POR: variants seen among roughly 807,000 people sequenced by gnomAD.
The protein encoded by POR is NADPH--cytochrome P450 reductase.
In POR, 56 loss-of-function variants were observed where a neutral mutation model predicts 84.0. The ratio of observed to expected loss-of-function variants is 0.67; its 90% confidence interval spans 0.54 to 0.83. The LOEUF (loss-of-function observed/expected upper bound fraction) is 0.83. Among genes scored for constraint, POR ranks in the 40% least tolerant of loss-of-function variants. The pLI, the probability that POR is intolerant of heterozygous loss-of-function variation, is 0.00. For synonymous variants in POR, 414 were observed against 400.5 expected, an observed-to-expected ratio of 1.03 and a Z score of -0.40; for missense variants, 938 against 944.3, an observed-to-expected ratio of 0.99 and a Z score of 0.09.
rs2228104 is a variant in POR, at chr7:75,985,635, T to C, written c.1455T>C (p.Ala485=). The stretch of plus-strand genomic sequence containing the variant: ...TGGTTGTGGAGTACGAGACCAAGGC[T>C]GGCCGCATCAACAAGGGCGTGGCCA... Residue 485 remains alanine, a synonymous_variant, in exon 13 of 16, where the codon GCT becomes GCC. Coordinates refer to ENST00000461988, the MANE Select transcript of POR (RefSeq NM_000941.3). The C allele has an allele frequency of 0.94, 1,501,502 of 1,592,914 alleles. 711,565 individuals are homozygous for C. Among genetic ancestry groups the C allele is most frequent in the Non-Finnish European group, 0.97 (1,129,247 of 1,169,962 alleles).
intron 1 of POR, among the ~76,000 whole-genome samples, chr7:75,953,310 AAAGAGG>A (rs1787534820): frequency 8.7e-6 from 1 of 115,412 alleles, no homozygotes; most frequent in Admixed American, 1.0e-4. Context: ...GAGACCGTGG[AAAGAGG>A]GAGGGGGAGG....
At chr7:75,942,204 G>T (rs1786952539) in intron 1 of POR, among the ~76,000 whole-genome samples, 1 of 152,144 alleles carries the variant, frequency 6.6e-6, no homozygotes, top group Non-Finnish European at 1.5e-5. Context: ...TGCAGTCTGG[G>T]TGACAAAGCA....
intron 5 of POR, 141 bp downstream of exon 5, chr7:75,980,629 C>A: frequency 6.3e-7 from 1 of 1,576,712 alleles, no homozygotes; most frequent in South Asian, 1.1e-5. Flanking sequence ...GTGAGACCCT[C>A]TCCTCTGCCC....
rs894445322 is a variant in POR at position 75,981,272 on chromosome 7, G to A, written c.641+100G>A. On this transcript the variant is annotated intron_variant, in intron 6 of 15. Coordinates refer to ENST00000461988, the MANE Select transcript of POR (RefSeq NM_000941.3). ...ACCATTGTGTCAGCTGAGACTCAGC[G>A]ACACGCACCTCCAACACAGAGGGAA... 9.5e-5 allele frequency: 136 copies of A among 1,432,100 alleles called. No individual in the cohort carries two copies. The African/African-American group carries it at 9.7e-4, about 10-fold the overall frequency. 88.7% of individuals were successfully genotyped at this position (1,432,100 alleles called of 1,614,324 possible). A position where few individuals can be genotyped will look rare whatever the true frequency, so the allele number is the denominator to read the frequency against.
chr7:75,933,376 GT>G (rs200575911), intron 1 of POR, among the ~76,000 whole-genome samples: 4,296 of 91,776 alleles, frequency 0.047, 79 homozygotes, highest in Middle Eastern at 0.098. Context: ...ATAGGTCTTT[GT>G]TTTTTTTTTT....
At chr7:75,980,785 C>G (rs1158011350) in intron 5 of POR, 26 of 1,374,726 alleles carry the variant, frequency 1.9e-5, no homozygotes, top group Non-Finnish European at 2.5e-5. Flanking sequence ...AGCCCCAGCC[C>G]GGTGGGGAGG....
At chr7:75,981,893 A>G (rs1230584734) in intron 7 of POR, 7 of 571,866 alleles carry the variant, frequency 1.2e-5, no homozygotes, top group Non-Finnish European at 2.2e-5. Context: ...ATCTGCCTCC[A>G]CAGACTTGGC....
At chr7:75,978,949 A>C (rs1385088256) in intron 3 of POR, among the ~76,000 whole-genome samples, 2 of 152,000 alleles carry the variant, frequency 1.3e-5, no homozygotes, top group Admixed American at 6.6e-5. Context: ...GGTGCACGCC[A>C]CCATGCCCGG....
chr7:75,928,876 A>T (rs1807279632), intron 1 of POR, among the ~76,000 whole-genome samples: 1 of 152,044 alleles, frequency 6.6e-6, no homozygotes, highest in South Asian at 2.1e-4. Flanking sequence ...GCTGCCGGCA[A>T]GTACGCAGCT....
intron 2 of POR, 106 bp downstream of exon 2, chr7:75,954,286 C>A: frequency 8.3e-7 from 1 of 1,204,138 alleles, no homozygotes; most frequent in Non-Finnish European, 1.2e-6. Context: ...CTCCTTGTAG[C>A]ATTTTGGGGT....
chr7:75,977,951 C>G (rs960252078), intron 3 of POR, among the ~76,000 whole-genome samples: 4 of 152,190 alleles, frequency 2.6e-5, no homozygotes, highest in South Asian at 2.1e-4. Context: ...GGCTGCAACT[C>G]CAGCCCCAAC....
intron 2 of POR, among the ~76,000 whole-genome samples, 173 bp from the exon 3 acceptor site, chr7:75,972,240 A>G (rs1457245848): frequency 6.6e-6 from 1 of 152,100 alleles, no homozygotes; most frequent in East Asian, 1.9e-4. Context: ...GTTGGATTAG[A>G]GGCCAGCTGC....
chr7:75,952,606 G>T (rs1403291819), intron 1 of POR, among the ~76,000 whole-genome samples: 1 of 151,624 alleles, frequency 6.6e-6, no homozygotes, highest in Non-Finnish European at 1.5e-5. Flanking sequence ...CTTCTCAGAC[G>T]GGGCGGCCGG....
At chr7:75,923,099 C>T (rs782213771) in intron 1 of POR, 16 of 751,954 alleles carry the variant, frequency 2.1e-5, no homozygotes, top group South Asian at 5.7e-5. Context: ...AAAAATGCAG[C>T]GTATAGTATG....
chr7:75,965,142 G>A (rs1275679953), intron 2 of POR, among the ~76,000 whole-genome samples: 2 of 152,208 alleles, frequency 1.3e-5, no homozygotes, highest in African/African-American at 4.8e-5. Flanking sequence ...ATTTGGAGCT[G>A]GAGTGGAGGG....
At chr7:75,944,238 CA>C (rs1787077375) in intron 1 of POR, among the ~76,000 whole-genome samples, 1 of 152,060 alleles carries the variant, frequency 6.6e-6, no homozygotes, top group Admixed American at 6.6e-5. Flanking sequence ...TTAATAAAAT[CA>C]AAAAAGGCTG....
chr7:75,981,238 G>C (rs1383627046), intron 6 of POR, 66 bp downstream of exon 6: 1 of 1,471,612 alleles, frequency 6.8e-7, no homozygotes, highest in Non-Finnish European at 9.0e-7. Context: ...GAACGTGAGG[G>C]GCGCGCACAC....
intron 2 of POR, among the ~76,000 whole-genome samples, chr7:75,964,853 C>A (rs547586869): frequency 6.6e-6 from 1 of 151,612 alleles, no homozygotes; most frequent in Non-Finnish European, 1.5e-5. Context: ...AGCAAGACAT[C>A]GACTCTACAA....
chr7:75,971,018 G>C (rs1788412065), intron 2 of POR: 1 of 70,800 alleles, frequency 1.4e-5, no homozygotes, highest in African/African-American at 5.8e-5. Flanking sequence ...CTGGAGTACA[G>C]TGGCGTGATC....
Sources: gnomAD v4.1 joint callset for allele counts (sites outside exome capture counted in the v4.1 genomes callset) on GRCh38, gnomAD v4.1.1 for gene constraint, MANE v1.5 for transcripts, NCBI Gene and HGNC (gene_info 2026-07-23, HGNC 2026-07-21) for gene names.